FUT8: variants seen among roughly 807,000 people sequenced by gnomAD.
FUT8 encodes the protein alpha-(1,6)-fucosyltransferase.
A neutral mutation model predicts 71.3 loss-of-function variants in FUT8; 29 were observed. The observed-to-expected ratio is 0.41, with a 90% CI of 0.30 to 0.55. The LOEUF (loss-of-function observed/expected upper bound fraction) is 0.55. FUT8 is among the 20% of genes least tolerant of loss of function. FUT8 has a pLI of 0.34. For synonymous variants in FUT8, 254 were observed against 239.3 expected, an observed-to-expected ratio of 1.06 and a Z score of -0.57; for missense variants, 544 against 702.1, an observed-to-expected ratio of 0.77 and a Z score of 2.55.
rs751112835 is a variant in FUT8 at position 65,466,215 on chromosome 14, C to T, written c.-228+10497C>T. Among the ~76,000 whole-genome samples, 5 of 152,050 alleles carry T rather than the reference C, an allele frequency of 3.3e-5. No individual in the cohort carries two copies. The South Asian group carries it at 6.2e-4, about 19-fold the overall frequency. Reference sequence around the variant, plus strand: ...TAGACATCATATAGTAGGGTCTTGTCGTTTGATTTGCTCTCGACAGCATGT... The same window carrying T: ...TAGACATCATATAGTAGGGTCTTGTTGTTTGATTTGCTCTCGACAGCATGT... On this transcript the variant is annotated intron_variant, in intron 2 of 10. Coordinates refer to ENST00000673929, the MANE Select transcript of FUT8 (RefSeq NM_001371533.1).
At chr14:65,533,492 G>T (rs545544123) in intron 2 of FUT8, among the ~76,000 whole-genome samples, 1 of 152,196 alleles carries the variant, frequency 6.6e-6, no homozygotes, top group East Asian at 1.9e-4. Context: ...AGTGATTTTT[G>T]TACATTTAAT....
At chr14:65,361,696 G>A in the FUT8 span, among the ~76,000 whole-genome samples, 2 of 152,098 alleles carry the variant, frequency 1.3e-5, no homozygotes, top group African/African-American at 4.8e-5. Flanking sequence ...GCTGAGGTTG[G>A]AGAATTGCTT....
chr14:65,545,702 G>A (rs1229001882), intron 2 of FUT8, among the ~76,000 whole-genome samples: 1 of 151,648 alleles, frequency 6.6e-6, no homozygotes, highest in Non-Finnish European at 1.5e-5. Context: ...TTTAATTTAG[G>A]AAATCACTAT....
chr14:65,700,254 T>C (rs1161638490), intron 7 of FUT8, among the ~76,000 whole-genome samples: 2 of 152,136 alleles, frequency 1.3e-5, no homozygotes, highest in Non-Finnish European at 2.9e-5. Flanking sequence ...AATATTCATA[T>C]TTTCCCCCAA....
the FUT8 span, among the ~76,000 whole-genome samples, chr14:65,399,621 C>T: frequency 6.6e-6 from 1 of 152,142 alleles, no homozygotes; most frequent in Non-Finnish European, 1.5e-5. Flanking sequence ...GTTAATCACG[C>T]ATAGTTTTGT....
chr14:65,514,612 A>G lies in FUT8; in HGVS notation c.-227-46725A>G, dbSNP rs143916325. Among the ~76,000 whole-genome samples the G allele has an allele frequency of 2.7e-3, 418 of 152,270 alleles. 2 individuals are homozygous for G. The highest frequency in any genetic ancestry group is 9.4e-3 in the African/African-American group (390 of 41,554). The stretch of plus-strand genomic sequence containing the variant: ...CAGCTAGTAGTGGTTTGAGGACAGA[A>G]TGTATCAATGTATCAATAGTTTCTG... On this transcript the variant is annotated intron_variant, in intron 2 of 10. Coordinates refer to ENST00000673929, the MANE Select transcript of FUT8 (RefSeq NM_001371533.1).
intron 7 of FUT8, among the ~76,000 whole-genome samples, chr14:65,701,293 A>G (rs1566905136): frequency 6.6e-6 from 1 of 152,186 alleles, no homozygotes; most frequent in Non-Finnish European, 1.5e-5. Flanking sequence ...AAATATATTT[A>G]AGGACGGAAG....
intron 7 of FUT8, among the ~76,000 whole-genome samples, chr14:65,704,218 T>C (rs1389936971): frequency 6.6e-6 from 1 of 152,178 alleles, no homozygotes; most frequent in Non-Finnish European, 1.5e-5. Context: ...AGGAATCCAG[T>C]GTGCTGACTG....
chr14:65,635,995 TA>T (rs1890534287), intron 6 of FUT8, among the ~76,000 whole-genome samples: 1 of 152,174 alleles, frequency 6.6e-6, no homozygotes. Flanking sequence ...GGTAACTTTT[TA>T]ATTACCATTT....
At position 65,669,297 on chromosome 14, in the gene FUT8, T is replaced by C; in HGVS notation, c.652T>C (p.Cys218Arg). 1 of 1,613,944 alleles carries C rather than the reference T, an allele frequency of 6.2e-7. No individual in the cohort carries two copies. The highest frequency in any genetic ancestry group is 8.5e-7 in the Non-Finnish European group (1 of 1,179,912). Residue 218 changes from cysteine (C) to arginine (R), a missense_variant, in exon 7 of 11, where the codon TGT becomes CGT. Coordinates refer to ENST00000673929, the MANE Select transcript of FUT8 (RefSeq NM_001371533.1). This position sits in a 1 kb window ranked among gnomAD's most constrained non-coding sequence, Gnocchi z 4.5. ...GCTGGTGTGTAATATCAACAAAGGC[T>C]GTGGCTATGGCTGTCAGCTCCATCA... The part of the protein sequence containing the change: ...KKLVCNINKG[C>R]GYGCQLHHVV...
rs529936441 is a variant in FUT8 at position 65,662,211 on chromosome 14, C to T, written c.598-7032C>T. 3.3e-5 allele frequency among the ~76,000 whole-genome samples: 5 copies of T among 152,062 alleles called. No individual in the cohort carries two copies. The South Asian group carries it at 1.0e-3, about 32-fold the overall frequency. ...GGAGAATGGCTTAAGCTCACAGGTTCGGATCAGCCTGGGCAACATGGGAAA... is the reference window on the plus strand; with the variant it reads ...GGAGAATGGCTTAAGCTCACAGGTTTGGATCAGCCTGGGCAACATGGGAAA... On this transcript the variant is annotated intron_variant, in intron 6 of 10. Coordinates refer to ENST00000673929, the MANE Select transcript of FUT8 (RefSeq NM_001371533.1).
chr14:65,713,806 A>AT (rs1894922393), intron 7 of FUT8, among the ~76,000 whole-genome samples: 1 of 152,202 alleles, frequency 6.6e-6, no homozygotes, highest in Non-Finnish European at 1.5e-5. Context: ...TAGTTTGCAA[A>AT]TATTTTCTCC....
Position 65,511,524 on chromosome 14 carries a change from TTCTC to T in FUT8, c.-227-49809_-227-49806del, listed in dbSNP as rs1238002526. The stretch of plus-strand genomic sequence containing the variant: ...TCCAGCTATTATTGTATTGGAGTCT[TTCTC>T]TCTTTAGCTCTAATAATATTTGCTT... On this transcript the variant is annotated intron_variant, in intron 2 of 10. Coordinates refer to ENST00000673929, the MANE Select transcript of FUT8 (RefSeq NM_001371533.1). Among the ~76,000 whole-genome samples the T allele has an allele frequency of 2.6e-5, 4 of 152,240 alleles. No individual in the cohort carries two copies. In the East Asian group the frequency reaches 7.7e-4, roughly 29 times the overall value.
chr14:65,623,711 C>G (rs540188705), intron 5 of FUT8, among the ~76,000 whole-genome samples: 6 of 152,244 alleles, frequency 3.9e-5, no homozygotes, highest in Non-Finnish European at 8.8e-5. Context: ...GAGAGAGACT[C>G]TGTCTCAAAA....
intron 7 of FUT8, among the ~76,000 whole-genome samples, chr14:65,685,671 A>C (rs893549196): frequency 1.3e-5 from 2 of 152,168 alleles, no homozygotes; most frequent in African/African-American, 4.8e-5. Flanking sequence ...ACAGAAGGTA[A>C]ATTATTCATG....
intron 6 of FUT8, among the ~76,000 whole-genome samples, chr14:65,649,122 T>A (rs1347498713): frequency 6.6e-6 from 1 of 152,232 alleles, no homozygotes; most frequent in Non-Finnish European, 1.5e-5. Context: ...ATATCACCTA[T>A]AAACATCTGA....
intron 2 of FUT8, among the ~76,000 whole-genome samples, chr14:65,480,691 A>T (rs567846659): frequency 6.6e-6 from 1 of 151,502 alleles, no homozygotes; most frequent in East Asian, 2.0e-4. Context: ...ATCATACTGT[A>T]ATTCTATTTT....
intron 2 of FUT8, among the ~76,000 whole-genome samples, chr14:65,512,007 C>T (rs541594971): frequency 2.6e-5 from 4 of 152,256 alleles, no homozygotes; most frequent in East Asian, 1.9e-4. Context: ...CTGGATGTTA[C>T]AGCCTACTAC....
chr14:65,437,765 C>T (rs1279533976), intron 1 of FUT8, among the ~76,000 whole-genome samples: 1 of 151,854 alleles, frequency 6.6e-6, no homozygotes, highest in Non-Finnish European at 1.5e-5. Flanking sequence ...GGAAGGAGAA[C>T]CAAGGAGATT....
Sources: gnomAD v4.1 joint callset for allele counts (sites outside exome capture counted in the v4.1 genomes callset) on GRCh38, gnomAD v4.1.1 for gene constraint, Gnocchi (gnomAD v3.1) non-coding constraint, MANE v1.5 for transcripts, NCBI Gene and HGNC (gene_info 2026-07-23, HGNC 2026-07-21) for gene names.